Variants in ZDHHC20 observed in about 807,000 individuals in gnomAD.
The protein encoded by ZDHHC20 is palmitoyltransferase ZDHHC20.
Under a neutral mutation model 57.8 loss-of-function variants are expected in ZDHHC20, and 43 were observed. The ratio of observed to expected loss-of-function variants is 0.74; its 90% CI spans 0.58 to 0.96. ZDHHC20 has a LOEUF of 0.96. Among genes scored for constraint, ZDHHC20 ranks in the 40% least tolerant of loss-of-function variants. The probability of loss-of-function intolerance (pLI) is 0.00; values close to 1 mark genes in which losing one functional copy is unlikely to be tolerated. For missense variants in ZDHHC20, 391 were observed against 441.1 expected (o/e 0.89, Z 1.02); for synonymous variants, 157 against 153.0 (o/e 1.03, Z -0.19).
intron 11 of ZDHHC20, 66 bp downstream of exon 11, chr13:21,381,368 C>G (rs1873375465): frequency 1.4e-5 from 17 of 1,199,448 alleles, no homozygotes; most frequent in Middle Eastern, 1.9e-4. Context: ...GATTTTTCCA[C>G]ATGTATTATA....
At chr13:21,428,069 A>T (rs1427836704) in intron 1 of ZDHHC20, among the ~76,000 whole-genome samples, 3 of 152,146 alleles carry the variant, frequency 2.0e-5, no homozygotes, top group Admixed American at 2.0e-4. Context: ...CATCTGAAAC[A>T]GTGTACGGCA....
intron 3 of ZDHHC20, 47 bp from the exon 4 acceptor site, chr13:21,413,819 T>C (rs1427122176): frequency 6.6e-7 from 1 of 1,511,042 alleles, no homozygotes; most frequent in African/African-American, 1.4e-5. Flanking sequence ...CCCATGATGT[T>C]AATTATCATG....
At chr13:21,456,915 A>C (rs1241972647) in intron 1 of ZDHHC20, among the ~76,000 whole-genome samples, 1 of 152,176 alleles carries the variant, frequency 6.6e-6, no homozygotes, top group Admixed American at 6.5e-5. Flanking sequence ...CTCATAGCTT[A>C]CTGAAGTTAT....
intron 8 of ZDHHC20, among the ~76,000 whole-genome samples, chr13:21,389,673 C>T (rs79096657): frequency 0.014 from 2,139 of 152,254 alleles, 44 homozygotes; most frequent in African/African-American, 0.044. Flanking sequence ...AAAGAAGGCA[C>T]GACTGGCAAG....
intron 3 of ZDHHC20, among the ~76,000 whole-genome samples, chr13:21,415,613 C>CT (rs1163029985): frequency 6.6e-6 from 1 of 152,038 alleles, no homozygotes; most frequent in African/African-American, 2.4e-5. Flanking sequence ...CTCTTGAATA[C>CT]TTTGAGAGAA....
intron 4 of ZDHHC20, 63 bp downstream of exon 4, chr13:21,413,589 T>A: frequency 6.8e-7 from 1 of 1,470,210 alleles, no homozygotes; most frequent in Non-Finnish European, 9.1e-7. Context: ...TGCAAATATA[T>A]CCTGGCAGGA....
chr13:21,381,576 A>G (rs1188906495), intron 10 of ZDHHC20, 27 bp from the exon 11 acceptor site: 2 of 1,474,936 alleles, frequency 1.4e-6, no homozygotes, highest in Non-Finnish European at 1.9e-6. Context: ...ACAACTTAGT[A>G]AACAGCTTAA....
At chr13:21,402,950 A>T in intron 4 of ZDHHC20, 84 bp from the exon 5 acceptor site, 2 of 1,047,502 alleles carry the variant, frequency 1.9e-6, no homozygotes, top group Non-Finnish European at 2.9e-6. Context: ...TCTAAAAAAA[A>T]TAACTCTGGG....
intron 7 of ZDHHC20, among the ~76,000 whole-genome samples, chr13:21,394,507 A>C (rs1216734066): frequency 6.6e-6 from 1 of 152,232 alleles, no homozygotes; most frequent in African/African-American, 2.4e-5. Context: ...TTTCAGAGAT[A>C]TACTACAAGT....
chr13:21,395,980 T>A (rs1259988880), intron 7 of ZDHHC20, among the ~76,000 whole-genome samples: 1 of 152,244 alleles, frequency 6.6e-6, no homozygotes, highest in Admixed American at 6.5e-5. Flanking sequence ...ACCTCTTCTA[T>A]CTGCCTTTTA....
chr13:21,401,650 T>A lies in ZDHHC20; in HGVS notation c.473+3A>T. On this transcript the variant is annotated splice_donor_region_variant and intron_variant, in intron 6 of 12. Transcript: ENST00000400590. ...GCAATTTCTTCTGTTTTTTTATACA[T>A]ACCAAGGACAGTGATGATCCATCTT... 1 of 1,539,858 alleles carries A rather than the reference T, an allele frequency of 6.5e-7. No individual in the cohort carries two copies. Among genetic ancestry groups the A allele is most frequent in the Non-Finnish European group, 8.7e-7 (1 of 1,144,746 alleles).
At chr13:21,451,466 CATAA>C (rs1294187749) in intron 1 of ZDHHC20, among the ~76,000 whole-genome samples, 3 of 152,110 alleles carry the variant, frequency 2.0e-5, no homozygotes, top group African/African-American at 7.2e-5. Flanking sequence ...TATTCAGGTA[CATAA>C]ATAAATATAA....
intron 4 of ZDHHC20, among the ~76,000 whole-genome samples, chr13:21,411,428 G>C (rs1327083250): frequency 6.6e-6 from 1 of 152,126 alleles, no homozygotes; most frequent in Non-Finnish European, 1.5e-5. Context: ...AGCTATAAAG[G>C]ACCTTAGAGA....
chr13:21,443,839 T>C (rs1229021406), intron 1 of ZDHHC20, among the ~76,000 whole-genome samples: 2 of 152,212 alleles, frequency 1.3e-5, no homozygotes, highest in African/African-American at 2.4e-5. Flanking sequence ...CATGTGGCTA[T>C]AGATAACATC....
At chr13:21,391,292 C>A (rs1875672027) in intron 8 of ZDHHC20, among the ~76,000 whole-genome samples, 1 of 152,120 alleles carries the variant, frequency 6.6e-6, no homozygotes, top group African/African-American at 2.4e-5. Context: ...TTTGAAACGA[C>A]ACTGTATGAA....
At position 21,425,682 on chromosome 13, in the gene ZDHHC20, G is replaced by A; in HGVS notation, c.119-4C>T. ...TCTTCATTTCCAAAAATAGTAACTAGAATAGAAGAAAAAATAGTGAATAAA... is the reference window on the plus strand; with the variant it reads ...TCTTCATTTCCAAAAATAGTAACTAAAATAGAAGAAAAAATAGTGAATAAA... On this transcript the variant is annotated splice_polypyrimidine_tract_variant and splice_region_variant and intron_variant, in intron 1 of 12. Transcript: ENST00000400590. The A allele has an allele frequency of 1.7e-6, 2 of 1,161,368 alleles. No individual in the cohort carries two copies. Among genetic ancestry groups the A allele is most frequent in the Non-Finnish European group, 2.3e-6 (2 of 863,636 alleles). 71.9% of individuals were successfully genotyped at this position (1,161,368 alleles called of 1,614,324 possible). A position where few individuals can be genotyped will look rare whatever the true frequency, so the allele number is the denominator to read the frequency against.
Position 21,421,303 on chromosome 13 carries a change from T to C in ZDHHC20, c.146-139A>G, listed in dbSNP as rs1880625818. 1.2e-5 allele frequency: 8 copies of C among 664,548 alleles called. No individual in the cohort carries two copies. In the South Asian group the frequency reaches 1.4e-4, roughly 11 times the overall value. The allele number at this position is 664,548 out of a possible 1,614,324, so 41.2% of individuals were successfully genotyped here. A position where few individuals can be genotyped will look rare whatever the true frequency, so the allele number is the denominator to read the frequency against. ...AAAATGTACTGAAACATCAAATATA[T>C]AAACTTTACTTGCATGAGGAAACAT... On this transcript the variant is annotated intron_variant, in intron 2 of 12. Coordinates refer to ENST00000400590, the MANE Select transcript of ZDHHC20 (RefSeq NM_001330059.2).
chr13:21,390,897 C>CAAA (rs972225021), intron 8 of ZDHHC20, among the ~76,000 whole-genome samples: 1 of 123,184 alleles, frequency 8.1e-6, no homozygotes, highest in Non-Finnish European at 1.7e-5. Context: ...GACTCTGTCT[C>CAAA]AAAAAAAAGA....
chr13:21,418,927 C>G (rs1214831410), intron 3 of ZDHHC20, among the ~76,000 whole-genome samples: 2 of 152,172 alleles, frequency 1.3e-5, no homozygotes, highest in African/African-American at 4.8e-5. Flanking sequence ...GCCTGCCTGC[C>G]TTGGCCTTCC....
Sources: gnomAD v4.1 joint callset for allele counts (sites outside exome capture counted in the v4.1 genomes callset) on GRCh38, gnomAD v4.1.1 for gene constraint, MANE v1.5 for transcripts, NCBI Gene and HGNC (gene_info 2026-07-23, HGNC 2026-07-21) for gene names.